The following DIAPH3 variants were observed in gnomAD, a reference collection of about 807,000 sequenced individuals.
DIAPH3 encodes the protein protein diaphanous homolog 3.
A neutral mutation model predicts 144.3 loss-of-function variants in DIAPH3; 117 were observed. That is an observed-to-expected ratio of 0.81 (90% CI 0.70 to 0.95). The LOEUF (loss-of-function observed/expected upper bound fraction) is 0.95, where lower values mean the gene tolerates loss of function less well. Among genes scored for constraint, DIAPH3 ranks in the 40% least tolerant of loss-of-function variants. The probability of loss-of-function intolerance (pLI) is 0.00; values close to 1 mark genes in which losing one functional copy is unlikely to be tolerated. For missense variants in DIAPH3, 1,421 were observed against 1,412.7 expected (o/e 1.01, Z -0.09); for synonymous variants, 519 against 488.9 (o/e 1.06, Z -0.81).
At chr13:59,982,473 T>A (rs908736962) in intron 13 of DIAPH3, among the ~76,000 whole-genome samples, 4 of 151,502 alleles carry the variant, frequency 2.6e-5, no homozygotes, top group African/African-American at 7.3e-5. Context: ...AAACAAGCAT[T>A]TTCATTAATA....
chr13:60,013,049 C>T (rs2053387070), intron 7 of DIAPH3: 5 of 985,354 alleles, frequency 5.1e-6, no homozygotes, highest in Non-Finnish European at 6.0e-6. Flanking sequence ...GTCAACTTAC[C>T]AGTGCTCGGA....
rs1019136196 is a variant in DIAPH3 at position 59,713,647 on chromosome 13, T to C, written c.3320-46801A>G. ...AGGAAGGGGAGCTATTAAATTACTA[T>C]AGGTAAGAAGCTTTTTTGATGGCAG... On this transcript the variant is annotated intron_variant, in intron 27 of 27. Coordinates refer to ENST00000400324, the MANE Select transcript of DIAPH3 (RefSeq NM_001042517.2). 3.9e-5 allele frequency among the ~76,000 whole-genome samples: 6 copies of C among 152,170 alleles called. No individual in the cohort carries two copies. The South Asian group carries it at 1.2e-3, about 32-fold the overall frequency.
Position 59,839,187 on chromosome 13 carries a change from C to T in DIAPH3, c.2862+137G>A. The T allele has an allele frequency of 2.1e-6, 2 of 970,288 alleles. 1 individual carries two copies. The highest frequency in any genetic ancestry group is 2.9e-5 in the South Asian group (2 of 68,066). The allele number at this position is 970,288 out of a possible 1,614,324, so 60.1% of individuals were successfully genotyped here. Reference sequence around the variant, plus strand: ...ACAGACACTTTGATAAATTTCCCTGCAAGAAGGCAAAGGTTAAACTTTCTG... The same window carrying T: ...ACAGACACTTTGATAAATTTCCCTGTAAGAAGGCAAAGGTTAAACTTTCTG... On this transcript the variant is annotated intron_variant, in intron 23 of 27. Coordinates refer to ENST00000400324, the MANE Select transcript of DIAPH3 (RefSeq NM_001042517.2).
intron 17 of DIAPH3, among the ~76,000 whole-genome samples, chr13:59,946,168 G>A (rs945075219): frequency 4.6e-5 from 7 of 152,044 alleles, no homozygotes; most frequent in African/African-American, 1.7e-4. Context: ...TGATAGCTAT[G>A]ATCTAGTAAC....
At chr13:59,802,930 C>T (rs1235773565) in intron 25 of DIAPH3, among the ~76,000 whole-genome samples, 1 of 150,768 alleles carries the variant, frequency 6.6e-6, no homozygotes, top group African/African-American at 2.4e-5. Flanking sequence ...ATGATCCACC[C>T]GCCTCGGCCT....
intron 27 of DIAPH3, among the ~76,000 whole-genome samples, chr13:59,769,258 C>G (rs141001802): frequency 6.6e-6 from 1 of 152,172 alleles, no homozygotes; most frequent in Non-Finnish European, 1.5e-5. Context: ...AGTGGTATAC[C>G]AGAGGTTACA....
intron 3 of DIAPH3, among the ~76,000 whole-genome samples, chr13:60,097,751 G>C (rs912025908): frequency 1.3e-5 from 2 of 150,946 alleles, no homozygotes; most frequent in East Asian, 3.9e-4. Context: ...ATTTGAAAGC[G>C]TAAGAAAAGC....
chr13:60,005,519 T>C (rs754917934), intron 9 of DIAPH3, among the ~76,000 whole-genome samples: 6 of 152,130 alleles, frequency 3.9e-5, no homozygotes, highest in East Asian at 3.9e-4. Flanking sequence ...CTTGCTCTGT[T>C]GCCCAGGCTG....
chr13:60,053,467 T>C (rs1289815964), intron 4 of DIAPH3, among the ~76,000 whole-genome samples: 8 of 152,150 alleles, frequency 5.3e-5, no homozygotes, highest in Non-Finnish European at 2.9e-5. Flanking sequence ...AGTACATAGA[T>C]TCCTCTTATC....
chr13:59,971,011 TG>T lies in DIAPH3; in HGVS notation c.1799del (p.Pro600GlnfsTer35). On this transcript the variant is annotated frameshift_variant, in exon 16 of 28. Coordinates refer to ENST00000400324, the MANE Select transcript of DIAPH3 (RefSeq NM_001042517.2). LOFTEE classifies it high-confidence loss of function. ...GACCACTGAATGGCATCCGCATTCC[TG>T]GAAGTGGAGGAGGTGGTGGGGGAGG... ...PPPPPPPPPLPGMRMPFSGPV... is the reference protein window; with the variant it reads ...PPPPPPPPPLXGMRMPFSGPV... 1 of 1,613,206 alleles carries T rather than the reference TG, an allele frequency of 6.2e-7. No homozygotes were observed. Among genetic ancestry groups the T allele is most frequent in the Middle Eastern group, 1.7e-4 (1 of 6,022 alleles).
Position 59,980,928 on chromosome 13 carries a change from G to A in DIAPH3, c.1481-69C>T. The A allele has an allele frequency of 7.7e-6, 10 of 1,299,762 alleles. No individual in the cohort carries two copies. In the Admixed American group the frequency reaches 1.1e-4, roughly 14 times the overall value. 80.5% of individuals were successfully genotyped at this position (1,299,762 alleles called of 1,614,324 possible). A position where few individuals can be genotyped will look rare whatever the true frequency, so the allele number is the denominator to read the frequency against. On this transcript the variant is annotated intron_variant, in intron 13 of 27. Transcript: ENST00000400324. ...AACTCATTATGACTTCAAAAGTTTA[G>A]AAAGAAAAAAGATCATAGAAAATAA...
chr13:60,112,394 C>G (rs939659347), intron 2 of DIAPH3, among the ~76,000 whole-genome samples: 6 of 152,142 alleles, frequency 3.9e-5, no homozygotes, highest in Admixed American at 3.3e-4. Flanking sequence ...TTGAAGAGAG[C>G]TCAGACAACA....
chr13:59,683,560 A>G (rs2138646455), intron 27 of DIAPH3, among the ~76,000 whole-genome samples: 1 of 152,288 alleles, frequency 6.6e-6, no homozygotes, highest in Admixed American at 6.5e-5. Context: ...AAGAGGCAGG[A>G]AATAAAAAGG....
chr13:59,723,947 T>C (rs1459123360), intron 27 of DIAPH3, among the ~76,000 whole-genome samples: 1 of 127,900 alleles, frequency 7.8e-6, no homozygotes, highest in Non-Finnish European at 1.6e-5. Flanking sequence ...TTCACCTCAA[T>C]GTGTTAAAAG....
At chr13:60,063,390 G>A (rs1027454940) in intron 4 of DIAPH3, among the ~76,000 whole-genome samples, 4 of 152,214 alleles carry the variant, frequency 2.6e-5, no homozygotes, top group African/African-American at 7.2e-5. Flanking sequence ...ATCAATGAGG[G>A]TTGAAGTCAA....
At chr13:60,120,307 G>C (rs1454970395) in intron 2 of DIAPH3, among the ~76,000 whole-genome samples, 1 of 152,158 alleles carries the variant, frequency 6.6e-6, no homozygotes, top group Non-Finnish European at 1.5e-5. Context: ...CAATCTTTCA[G>C]GTATGATAAG....
chr13:59,687,885 T>C (rs1457342282), intron 27 of DIAPH3, among the ~76,000 whole-genome samples: 2 of 152,090 alleles, frequency 1.3e-5, no homozygotes, highest in Non-Finnish European at 2.9e-5. Context: ...CTTTAATACT[T>C]AGGTGTTTCA....
At chr13:60,050,836 C>G (rs1296586164) in intron 4 of DIAPH3, among the ~76,000 whole-genome samples, 1 of 118,278 alleles carries the variant, frequency 8.5e-6, no homozygotes, top group African/African-American at 3.2e-5. Flanking sequence ...ACAAGGAGGT[C>G]AGTTAGAAGA....
At chr13:59,802,644 A>ATATTATTAT (rs777931224) in intron 25 of DIAPH3, among the ~76,000 whole-genome samples, 70 of 61,582 alleles carry the variant, frequency 1.1e-3, no homozygotes, top group African/African-American at 4.0e-3. Flanking sequence ...TTATTGATCT[A>ATATTATTAT]TATTATTATT....
Sources: gnomAD v4.1 joint callset for allele counts (sites outside exome capture counted in the v4.1 genomes callset) on GRCh38, gnomAD v4.1.1 for gene constraint, MANE v1.5 for transcripts, NCBI Gene and HGNC (gene_info 2026-07-23, HGNC 2026-07-21) for gene names.